Variants in SRCAP observed in about 807,000 individuals in gnomAD.
The protein encoded by SRCAP is Snf2 related CREBBP activator protein, also known as chromatin remodeling protein SRCAP.
SRCAP carries 46 observed loss-of-function variants against 263.1 expected under a neutral mutation model. The ratio of observed to expected loss-of-function variants is 0.17; its 90% CI spans 0.14 to 0.22. SRCAP has a LOEUF of 0.22. Among genes scored for constraint, SRCAP ranks in the 10% least tolerant of loss-of-function variants. SRCAP has a pLI of 1.00. For missense variants in SRCAP, 3,695 were observed against 4,181.9 expected (o/e 0.88, Z 3.21); for synonymous variants, 1,813 against 1,662.1 (o/e 1.09, Z -2.21).
Position 30,729,632 on chromosome 16 carries a change from G to C in SRCAP, c.6127+60G>C, listed in dbSNP as rs1175136687. 5 of 1,581,854 alleles carry C rather than the reference G, an allele frequency of 3.2e-6. No individual in the cohort carries two copies. In the Admixed American group the frequency reaches 8.5e-5, roughly 27 times the overall value. ...CTCTTCTTTTCTTAGTATTAAGACTGTTGTATCAGAGGGATGCTGCACTTA... is the reference window on the plus strand; with the variant it reads ...CTCTTCTTTTCTTAGTATTAAGACTCTTGTATCAGAGGGATGCTGCACTTA... On this transcript the variant is annotated intron_variant, in intron 27 of 33. Transcript: ENST00000262518.
chr16:30,705,735 C>G (rs1256838585), intron 4 of SRCAP, among the ~76,000 whole-genome samples: 1 of 149,760 alleles, frequency 6.7e-6, no homozygotes, highest in Non-Finnish European at 1.5e-5. Context: ...GAGACGGAGT[C>G]TCAGTCTTTC....
chr16:30,723,609 G>A lies in SRCAP; in HGVS notation c.4185G>A (p.Leu1395=). ...CTTCAGCCCCCGGAGCTGCCCCCTT[G>A]ACCATCTCTTCTCCTCTCCACGTGC... ...VSASAPGAAP[L]TISSPLHVPS... Residue 1395 remains leucine (L), a synonymous_variant, in exon 25 of 34, where the codon TTG becomes TTA. Transcript: ENST00000262518. 1 of 1,613,412 alleles carries A rather than the reference G, an allele frequency of 6.2e-7. No homozygotes were observed. The highest frequency in any genetic ancestry group is 8.5e-7 in the Non-Finnish European group (1 of 1,179,658).
chr16:30,712,566 G>T (rs1371579883), intron 13 of SRCAP, 113 bp from the exon 14 acceptor site: 8 of 1,544,750 alleles, frequency 5.2e-6, no homozygotes, highest in Non-Finnish European at 6.2e-6. Flanking sequence ...AGAGAGGACA[G>T]TGTAGGTGCT....
At chr16:30,701,798 T>C (rs1379908561) in intron 3 of SRCAP, among the ~76,000 whole-genome samples, 1 of 151,196 alleles carries the variant, frequency 6.6e-6, no homozygotes, top group Admixed American at 6.6e-5. Context: ...CCTGGCTAGT[T>C]TTTATATTTT....
At chr16:30,711,438 A>G in intron 10 of SRCAP, 133 bp from the exon 11 acceptor site, 2 of 879,396 alleles carry the variant, frequency 2.3e-6, no homozygotes, top group Non-Finnish European at 3.4e-6. Context: ...TGCTGAAAGT[A>G]AGCTCTTTTG....
intron 3 of SRCAP, among the ~76,000 whole-genome samples, chr16:30,701,786 T>C (rs1369154101): frequency 1.3e-5 from 2 of 150,264 alleles, no homozygotes; most frequent in Admixed American, 6.6e-5. Context: ...CCCACCATCA[T>C]GCCTGGCTAG....
At position 30,724,091 on chromosome 16, in the gene SRCAP, C is replaced by T; in HGVS notation, c.4667C>T (p.Ala1556Val). The T allele has an allele frequency of 6.2e-7, 1 of 1,613,630 alleles. No individual in the cohort carries two copies. Among genetic ancestry groups the T allele is most frequent in the Non-Finnish European group, 8.5e-7 (1 of 1,180,026 alleles). Residue 1556 changes from alanine (A) to valine (V), a missense_variant, in exon 25 of 34, where the codon GCC becomes GTC. Around this residue, in one of 12 missense-constraint regions of SRCAP, gnomAD observed 1,347 missense variants for 1,304.4 expected, o/e 1.03. Transcript: ENST00000262518. ...SPVLVPASAL[A>V]SPFPSAPNPA... ...GTCCTGGTGCCAGCTTCGGCTCTGG[C>T]CAGTCCTTTTCCGTCAGCACCAAAT... is the stretch of plus-strand genomic sequence containing the variant.
chr16:30,730,355 G>A (rs2053101976), intron 27 of SRCAP, among the ~76,000 whole-genome samples: 2 of 17,108 alleles, frequency 1.2e-4, no homozygotes, highest in African/African-American at 2.7e-4. Context: ...TTCTTAATGA[G>A]CCAATCTGAG....
At position 30,712,613 on chromosome 16, in the gene SRCAP, A is replaced by G. The variant is rs2052904008; in HGVS notation, c.1994-66A>G. 8.1e-6 allele frequency: 13 copies of G among 1,608,092 alleles called. No homozygotes were observed. The Admixed American group carries it at 1.7e-4, about 21-fold the overall frequency. On this transcript the variant is annotated intron_variant, in intron 13 of 33. Coordinates refer to ENST00000262518, the MANE Select transcript of SRCAP (RefSeq NM_006662.3). The stretch of plus-strand genomic sequence containing the variant: ...GAAGGGCCAAAGGGTGGCCAGGGTT[A>G]TAACTGAGAAATCAGAACCACAGAA...
In SRCAP at chr16:30,711,848, C is replaced by T; in HGVS notation, c.1506C>T (p.Asp502=). The change falls in exon 12 of 34, where the codon GAC becomes GAT. Residue 502 remains aspartate, a synonymous_variant. Coordinates refer to ENST00000262518, the MANE Select transcript of SRCAP (RefSeq NM_006662.3). ...DSSSQSDSVE[D]RSEDEEDEHS... ...CTTACCCTTTAGACTCTGTGGAGGA[C>T]CGGAGTGAGGATGAGGAAGATGAAC... The T allele has an allele frequency of 3.1e-6, 5 of 1,613,512 alleles. No individual in the cohort carries two copies. The highest frequency in any genetic ancestry group is 2.2e-5 in the South Asian group (2 of 91,072).
In SRCAP at chr16:30,704,472, TGA is replaced by T. The variant is rs577766531; in HGVS notation, c.306+159_306+160del. The stretch of plus-strand genomic sequence containing the variant: ...GATCGTGAGCAAACTGCTTGAATAT[TGA>T]GTCTCATTTTCCTTGCTGTAAATAA... On this transcript the variant is annotated intron_variant, in intron 4 of 33. Transcript: ENST00000262518. 7.9e-5 allele frequency among the ~76,000 whole-genome samples: 12 copies of T among 152,302 alleles called. No individual in the cohort carries two copies. The East Asian group carries it at 2.3e-3, about 29-fold the overall frequency.
At chr16:30,735,874 C>T (rs1412242496) in intron 31 of SRCAP, among the ~76,000 whole-genome samples, 9 of 151,256 alleles carry the variant, frequency 6.0e-5, no homozygotes, top group Non-Finnish European at 1.2e-4. Context: ...CCACTGCGCC[C>T]GGGTGAATTG....
At chr16:30,734,115 G>T in intron 30 of SRCAP, 107 bp downstream of exon 30, 1 of 1,000,190 alleles carries the variant, frequency 1.0e-6, no homozygotes, top group Non-Finnish European at 1.5e-6. Flanking sequence ...GGCTGAGGCA[G>T]GCGGATCACT....
In SRCAP at chr16:30,739,662, C is replaced by A; in HGVS notation, c.9622C>A (p.Leu3208Met). The change falls in exon 34 of 34, where the codon CTG becomes ATG. Residue 3208 changes from leucine (L) to methionine (M), a missense_variant. Coordinates refer to ENST00000262518, the MANE Select transcript of SRCAP (RefSeq NM_006662.3). Reference sequence around the variant, plus strand: ...CACCAACCAAGGGGACCAGCGCATCCTGCGCAGCAGCGCCCCTCCCTCCCT... The same window carrying A: ...CACCAACCAAGGGGACCAGCGCATCATGCGCAGCAGCGCCCCTCCCTCCCT... ...GTTNQGDQRI[L>M]RSSAPPSLAG... 1 of 1,582,686 alleles carries A rather than the reference C, an allele frequency of 6.3e-7. No homozygotes were observed. Among genetic ancestry groups the A allele is most frequent in the Admixed American group, 1.8e-5 (1 of 55,068 alleles).
intron 4 of SRCAP, among the ~76,000 whole-genome samples, chr16:30,706,070 T>G (rs1395802519): frequency 6.6e-6 from 1 of 152,162 alleles, no homozygotes; most frequent in Non-Finnish European, 1.5e-5. Flanking sequence ...TCCACGTCTT[T>G]CTTGATGTTT....
intron 2 of SRCAP, among the ~76,000 whole-genome samples, chr16:30,700,238 C>A (rs946025918): frequency 5.5e-4 from 84 of 152,264 alleles, no homozygotes; most frequent in African/African-American, 1.9e-3. Flanking sequence ...GGATTGAAGC[C>A]CTCCTATCAC....
chr16:30,720,390 G>C lies in SRCAP; in HGVS notation c.2987+59G>C, dbSNP rs1444078844. ...AGAATAAGTGGCTGAAAGCTGCCCA[G>C]AGGGGCCTGGGGTGGGAAGAAAAGA... On this transcript the variant is annotated intron_variant, in intron 19 of 33. Coordinates refer to ENST00000262518, the MANE Select transcript of SRCAP (RefSeq NM_006662.3). The C allele has an allele frequency of 7.0e-6, 11 of 1,570,546 alleles. No individual in the cohort carries two copies. The South Asian group carries it at 8.0e-5, about 11-fold the overall frequency.
At chr16:30,717,945 G>T (rs1458630517) in intron 18 of SRCAP, among the ~76,000 whole-genome samples, 1 of 149,666 alleles carries the variant, frequency 6.7e-6, no homozygotes, top group African/African-American at 2.5e-5. Context: ...TTCTGGAAGA[G>T]ATGGTGTCTT....
rs773168431 is a variant in SRCAP at position 30,724,746 on chromosome 16, G to C, written c.5322G>C (p.Ser1774=). 1 of 1,613,896 alleles carries C rather than the reference G, an allele frequency of 6.2e-7. No individual in the cohort carries two copies. Among genetic ancestry groups the C allele is most frequent in the South Asian group, 1.1e-5 (1 of 91,072 alleles). ...ACACGCTGACTTTGGCTCCAGCATCGTCATCTGCTTCACTCCTGGCCCCAG... is the reference window on the plus strand; with the variant it reads ...ACACGCTGACTTTGGCTCCAGCATCCTCATCTGCTTCACTCCTGGCCCCAG... ...PAHTLTLAPA[S]SSASLLAPAS... is the part of the protein sequence containing the mutation. The change falls in exon 25 of 34, where the codon TCG becomes TCC. Residue 1774 remains serine (S), a synonymous_variant. Coordinates refer to ENST00000262518, the MANE Select transcript of SRCAP (RefSeq NM_006662.3).
Sources: gnomAD v4.1 joint callset for allele counts (sites outside exome capture counted in the v4.1 genomes callset) on GRCh38, gnomAD v4.1.1 for gene constraint, gnomAD v4.1.1 regional missense constraint, MANE v1.5 for transcripts, NCBI Gene and HGNC (gene_info 2026-07-23, HGNC 2026-07-21) for gene names.